The following MAP3K15 variants were observed in gnomAD, a reference collection of about 807,000 sequenced individuals.
MAP3K15 encodes the protein mitogen-activated protein kinase kinase kinase 15.
MAP3K15 carries 124 observed loss-of-function variants against 99.5 expected under a neutral mutation model. That is an observed-to-expected ratio of 1.25 (90% confidence interval 1.08 to 1.45). MAP3K15 has a LOEUF of 1.45. Among genes scored for constraint, MAP3K15 ranks in the 40% most tolerant of loss-of-function variants. The pLI, the probability that MAP3K15 is intolerant of heterozygous loss-of-function variation, is 0.00. For missense variants in MAP3K15, 1,242 were observed against 1,079.7 expected (o/e 1.15, Z -2.11); for synonymous variants, 494 against 439.6 (o/e 1.12, Z -1.55).
intron 3 of MAP3K15, among the ~76,000 whole-genome samples, 166 bp downstream of exon 3, chrX:19,486,316 G>A (rs187481373): frequency 2.1e-3 from 240 of 111,828 alleles, no homozygotes; most frequent in African/African-American, 6.8e-3. Context: ...GCCTGGGGCC[G>A]GCCGGTTGAG....
At chrX:19,447,381 G>A (rs186639035) in intron 6 of MAP3K15, among the ~76,000 whole-genome samples, 21 of 111,620 alleles carry the variant, frequency 1.9e-4, no homozygotes, top group African/African-American at 6.5e-4. Flanking sequence ...AGGCATAAAC[G>A]TATCCTCCCT....
chrX:19,366,478 G>A (rs1002911105), intron 25 of MAP3K15, among the ~76,000 whole-genome samples: 5 of 111,833 alleles, frequency 4.5e-5, no homozygotes, highest in Admixed American at 9.5e-5. Context: ...TAATTCCCTT[G>A]TGTTGTGGGA....
intron 9 of MAP3K15, 131 bp from the exon 10 acceptor site, chrX:19,415,388 C>A: frequency 3.5e-6 from 2 of 569,904 alleles, no homozygotes; most frequent in Non-Finnish European, 5.0e-6. Context: ...GCTTCATAAA[C>A]GACTGCTCAG....
intron 18 of MAP3K15, among the ~76,000 whole-genome samples, chrX:19,387,667 G>A (rs967786273): frequency 8.1e-5 from 9 of 111,624 alleles, no homozygotes; most frequent in Non-Finnish European, 1.1e-4. Flanking sequence ...GATTACAGGC[G>A]TGCCCAGCAT....
At chrX:19,450,875 T>C (rs1368558718) in intron 6 of MAP3K15, among the ~76,000 whole-genome samples, 1 of 51,814 alleles carries the variant, frequency 1.9e-5, no homozygotes, top group Non-Finnish European at 3.8e-5. Context: ...GAAGATAAGA[T>C]GGTTCATTTA....
intron 15 of MAP3K15, among the ~76,000 whole-genome samples, chrX:19,397,940 C>T (rs2147255753): frequency 9.2e-6 from 1 of 109,155 alleles, no homozygotes; most frequent in Non-Finnish European, 1.9e-5. Context: ...ATCAGCTGGG[C>T]ATGGTGTAAT....
intron 6 of MAP3K15, among the ~76,000 whole-genome samples, chrX:19,431,961 T>A (rs1478737021): frequency 1.9e-5 from 2 of 106,886 alleles, no homozygotes; most frequent in Non-Finnish European, 3.9e-5. Flanking sequence ...TTTTTTTTTT[T>A]TAAAAAGACA....
chrX:19,372,578 T>C (rs1047318763), intron 22 of MAP3K15, 75 bp downstream of exon 22: 6 of 1,002,327 alleles, frequency 6.0e-6, no homozygotes, highest in Non-Finnish European at 8.1e-6. Flanking sequence ...ACTGAGGTCC[T>C]GATTGGACCT....
At chrX:19,465,483 C>A (rs1399727328) in intron 3 of MAP3K15, among the ~76,000 whole-genome samples, 1 of 108,929 alleles carries the variant, frequency 9.2e-6, no homozygotes, top group African/African-American at 3.4e-5. Context: ...CGGTGGCTCA[C>A]GCCTGTAATC....
At chrX:19,418,899 A>G (rs1424579557) in intron 9 of MAP3K15, among the ~76,000 whole-genome samples, 15 of 111,874 alleles carry the variant, frequency 1.3e-4, no homozygotes, top group Non-Finnish European at 2.8e-4. Flanking sequence ...TTCTTAAAGA[A>G]AAGAATTTTC....
rs147050069 is a variant in MAP3K15, at chrX:19,490,937, G to C, written c.362-1970C>G. ...TGTAAGAGTTCCAAGTTTGATGGGA[G>C]CTTCCTTACCATGTGCAGTGGAGAT... On this transcript the variant is annotated intron_variant, in intron 1 of 28. Coordinates refer to ENST00000338883, the MANE Select transcript of MAP3K15 (RefSeq NM_001001671.4). Among the ~76,000 whole-genome samples the C allele has an allele frequency of 6.1e-4, 68 of 111,327 alleles. 1 individual carries two copies. The East Asian group carries it at 0.018, about 29-fold the overall frequency.
intron 6 of MAP3K15, among the ~76,000 whole-genome samples, chrX:19,436,173 G>A (rs958492788): frequency 3.8e-5 from 4 of 106,235 alleles, no homozygotes; most frequent in Non-Finnish European, 7.8e-5. Flanking sequence ...AAAAAAGAAA[G>A]AAAGAAAAAA....
At chrX:19,475,051 C>T (rs1443543955) in intron 3 of MAP3K15, among the ~76,000 whole-genome samples, 1 of 110,374 alleles carries the variant, frequency 9.1e-6, no homozygotes, top group Non-Finnish European at 1.9e-5. Flanking sequence ...ATTTATTGTG[C>T]ACTTTATTTC....
intron 9 of MAP3K15, among the ~76,000 whole-genome samples, chrX:19,417,259 G>A (rs1034262435): frequency 6.2e-5 from 7 of 112,636 alleles, no homozygotes; most frequent in South Asian, 7.3e-4. Flanking sequence ...TGCCTCACCC[G>A]GGAAGCACAA....
chrX:19,477,288 T>C (rs142045334), intron 3 of MAP3K15, among the ~76,000 whole-genome samples: 3,330 of 110,708 alleles, frequency 0.03, 131 homozygotes, highest in African/African-American at 0.1. Flanking sequence ...AGTACTCCAA[T>C]TGAAGAGAAC....
At chrX:19,487,276 T>C (rs1045056371) in intron 2 of MAP3K15, among the ~76,000 whole-genome samples, 5 of 111,474 alleles carry the variant, frequency 4.5e-5, no homozygotes, top group African/African-American at 9.8e-5. Flanking sequence ...ATTTCCATTT[T>C]AGGAAATATT....
intron 3 of MAP3K15, among the ~76,000 whole-genome samples, chrX:19,465,955 C>A (rs2064166021): frequency 9.2e-6 from 1 of 108,674 alleles, no homozygotes; most frequent in African/African-American, 3.4e-5. Flanking sequence ...TTCCCTGTGG[C>A]ACTTTTTTCT....
At chrX:19,403,194 C>A (rs2063621625) in intron 13 of MAP3K15, among the ~76,000 whole-genome samples, 1 of 110,708 alleles carries the variant, frequency 9.0e-6, no homozygotes, top group African/African-American at 3.3e-5. Context: ...TCAAGCTGTA[C>A]ACTTAAGTGC....
intron 22 of MAP3K15, 143 bp downstream of exon 22, chrX:19,372,510 G>A: frequency 2.1e-6 from 1 of 468,556 alleles, no homozygotes; most frequent in Non-Finnish European, 3.5e-6. Flanking sequence ...AGGGAAGGAC[G>A]TTAGGGAAAC....
Sources: allele counts gnomAD v4.1 joint callset (sites outside exome capture counted in the v4.1 genomes callset), GRCh38; gene constraint gnomAD v4.1.1; transcripts MANE v1.5; gene names NCBI Gene and HGNC (gene_info 2026-07-23, HGNC 2026-07-21).